Variants in RAB31 observed in about 807,000 individuals in gnomAD.
RAB31 encodes ras-related protein Rab-31.
In RAB31, 21 loss-of-function variants were observed where a neutral mutation model predicts 25.6. That is an observed-to-expected ratio of 0.82 (90% CI 0.58 to 1.18). The LOEUF (loss-of-function observed/expected upper bound fraction) is 1.18. Ranked by LOEUF, RAB31 falls within the 50% of genes most tolerant of loss-of-function variation. The pLI is 0.00. For synonymous variants in RAB31, 87 were observed against 84.0 expected (o/e 1.04, Z -0.20); for missense variants, 196 against 250.1 (o/e 0.78, Z 1.46).
intron 5 of RAB31, among the ~76,000 whole-genome samples, chr18:9,836,483 C>A (rs543991496): frequency 6.6e-6 from 1 of 152,270 alleles, no homozygotes; most frequent in East Asian, 1.9e-4. Context: ...TTCCAAACTA[C>A]TGGCTTCATA....
chr18:9,765,245 C>T (rs74525582), intron 1 of RAB31, among the ~76,000 whole-genome samples: 3,771 of 152,298 alleles, frequency 0.025, 108 homozygotes, highest in South Asian at 0.09. Flanking sequence ...CGAGCCACCA[C>T]ACCCGGCTGC....
intron 1 of RAB31, among the ~76,000 whole-genome samples, chr18:9,734,120 G>GAGGGAGGA (rs2068138017): frequency 7.7e-6 from 1 of 129,110 alleles, no homozygotes; most frequent in East Asian, 2.8e-4. Flanking sequence ...GGGAGGGAGG[G>GAGGGAGGA]AGGGAGGAAG....
intron 3 of RAB31, among the ~76,000 whole-genome samples, chr18:9,804,805 C>G (rs923874285): frequency 7.8e-5 from 9 of 115,676 alleles, no homozygotes; most frequent in African/African-American, 2.7e-4. Flanking sequence ...GTGGAAGGTG[C>G]CAGACTCCCC....
At chr18:9,839,393 T>C (rs750243479) in intron 5 of RAB31, among the ~76,000 whole-genome samples, 1 of 152,150 alleles carries the variant, frequency 6.6e-6, no homozygotes. Flanking sequence ...TGTTGGAGAA[T>C]CCTATTCACA....
intron 3 of RAB31, among the ~76,000 whole-genome samples, chr18:9,792,988 T>G (rs1021303772): frequency 2.0e-5 from 3 of 152,222 alleles, no homozygotes; most frequent in Non-Finnish European, 4.4e-5. Flanking sequence ...AGACTATATA[T>G]TTTAGAAGGT....
intron 1 of RAB31, among the ~76,000 whole-genome samples, chr18:9,710,548 G>A (rs2068011094): frequency 1.3e-5 from 2 of 152,170 alleles, no homozygotes; most frequent in South Asian, 2.1e-4. Context: ...CTGGGCAGAC[G>A]GAGGCTTTGA....
At chr18:9,791,197 T>A (rs1231070919) in intron 2 of RAB31, among the ~76,000 whole-genome samples, 1 of 152,180 alleles carries the variant, frequency 6.6e-6, no homozygotes, top group African/African-American at 2.4e-5. Flanking sequence ...TGGTTTCATA[T>A]TAGCATAGTA....
At chr18:9,716,867 C>T (rs185287422) in intron 1 of RAB31, among the ~76,000 whole-genome samples, 15 of 147,094 alleles carry the variant, frequency 1.0e-4, no homozygotes, top group Admixed American at 5.4e-4. Flanking sequence ...GCCTCAGCTT[C>T]CTGAGTAGCT....
chr18:9,768,981 G>T (rs758955461), intron 1 of RAB31, among the ~76,000 whole-genome samples: 1 of 152,040 alleles, frequency 6.6e-6, no homozygotes, highest in Non-Finnish European at 1.5e-5. Flanking sequence ...TTTTTCAAAG[G>T]TTTTTCAAAG....
Position 9,777,176 on chromosome 18 carries a change from A to C in RAB31, c.119+1819A>C, listed in dbSNP as rs571228875. Among the ~76,000 whole-genome samples the C allele has an allele frequency of 3.3e-5, 5 of 151,986 alleles. No homozygotes were observed. In the South Asian group the frequency reaches 6.2e-4, roughly 19 times the overall value. ...GGCCAACACGGTGAAACCCCTCTCTACTAAAAATACAAAAATTAACCAGAT... is the reference window on the plus strand; with the variant it reads ...GGCCAACACGGTGAAACCCCTCTCTCCTAAAAATACAAAAATTAACCAGAT... On this transcript the variant is annotated intron_variant, in intron 2 of 6. Transcript: ENST00000578921.
chr18:9,717,718 C>T (rs2068051871), intron 1 of RAB31, among the ~76,000 whole-genome samples: 1 of 152,088 alleles, frequency 6.6e-6, no homozygotes. Context: ...CACGCACGTA[C>T]ACACACAGAC....
intron 2 of RAB31, among the ~76,000 whole-genome samples, chr18:9,783,446 A>G (rs1187911346): frequency 6.6e-6 from 1 of 152,158 alleles, no homozygotes; most frequent in Non-Finnish European, 1.5e-5. Flanking sequence ...AAAGGCATGA[A>G]CTTTGTTTTC....
intron 3 of RAB31, among the ~76,000 whole-genome samples, chr18:9,794,056 G>A (rs2068474813): frequency 6.6e-6 from 1 of 152,084 alleles, no homozygotes; most frequent in African/African-American, 2.4e-5. Context: ...CCACTCTGGG[G>A]TAATTTTTAA....
At chr18:9,805,202 G>A (rs1482248295) in intron 3 of RAB31, among the ~76,000 whole-genome samples, 5 of 151,442 alleles carry the variant, frequency 3.3e-5, no homozygotes, top group Non-Finnish European at 7.4e-5. Flanking sequence ...GCTGCAGTGA[G>A]CCGAGATTGC....
At chr18:9,721,537 A>G (rs1463974222) in intron 1 of RAB31, among the ~76,000 whole-genome samples, 1 of 152,094 alleles carries the variant, frequency 6.6e-6, no homozygotes, top group Non-Finnish European at 1.5e-5. Context: ...AATTGTTTTA[A>G]CATGGGAGGT....
At position 9,798,788 on chromosome 18, in the gene RAB31, T is replaced by A. The variant is rs376065796; in HGVS notation, c.201+6553T>A. ...TGTATGCCACCATGCGCAGCTAATT[T>A]AAAAAAAAAAAAAAAATTGGGCCAG... On this transcript the variant is annotated intron_variant, in intron 3 of 6. Transcript: ENST00000578921. Among the ~76,000 whole-genome samples the A allele has an allele frequency of 2.8e-4, 40 of 145,040 alleles. No homozygotes were observed. In the East Asian group the frequency reaches 6.3e-3, roughly 23 times the overall value.
At chr18:9,725,577 T>C (rs2068092829) in intron 1 of RAB31, among the ~76,000 whole-genome samples, 1 of 152,250 alleles carries the variant, frequency 6.6e-6, no homozygotes, top group Non-Finnish European at 1.5e-5. Context: ...TATTGTTATA[T>C]GTTACAAATT....
chr18:9,800,717 A>C lies in RAB31; in HGVS notation c.201+8482A>C, dbSNP rs75584620. Among the ~76,000 whole-genome samples the C allele has an allele frequency of 1.5e-3, 233 of 152,296 alleles. 9 individuals carry two copies. In the East Asian group the frequency reaches 0.041, roughly 27 times the overall value. On this transcript the variant is annotated intron_variant, in intron 3 of 6. Coordinates refer to ENST00000578921, the MANE Select transcript of RAB31 (RefSeq NM_006868.4). ...GCTTTAGCAGTTAGAAATCACATTC[A>C]CTGAAAATTGCTTTTGTCCACATTT...
At chr18:9,850,886 A>G (rs575536009) in intron 6 of RAB31, among the ~76,000 whole-genome samples, 1 of 152,206 alleles carries the variant, frequency 6.6e-6, no homozygotes, top group East Asian at 1.9e-4. Flanking sequence ...AAATAAATAA[A>G]TAAATAAGGT....
Sources: gnomAD v4.1 joint callset for allele counts (sites outside exome capture counted in the v4.1 genomes callset) on GRCh38, gnomAD v4.1.1 for gene constraint, MANE v1.5 for transcripts, NCBI Gene and HGNC (gene_info 2026-07-23, HGNC 2026-07-21) for gene names.